CIC: variants seen among roughly 807,000 people sequenced by gnomAD.
CIC encodes protein capicua homolog.
A neutral mutation model predicts 115.7 loss-of-function variants in CIC; 18 were observed. That is an observed-to-expected ratio of 0.16 (90% CI 0.11 to 0.23). The LOEUF (loss-of-function observed/expected upper bound fraction) is 0.23, where lower values mean the gene tolerates loss of function less well. CIC is among the 10% of genes least tolerant of loss of function. CIC has a pLI of 1.00. For missense variants in CIC, 2,000 were observed against 2,159.3 expected (o/e 0.93, Z 1.46); for synonymous variants, 1,076 against 923.0 (o/e 1.17, Z -3.01).
In CIC at chr19:42,295,729, T is replaced by C. The variant is rs754150927; in HGVS notation, c.*538T>C. The C allele has an allele frequency of 2.8e-4, 62 of 223,284 alleles. No homozygotes were observed. The highest frequency in any genetic ancestry group is 4.6e-4 in the Non-Finnish European group (51 of 111,912). 13.8% of individuals were successfully genotyped at this position (223,284 alleles called of 1,614,324 possible). On this transcript the variant is annotated 3_prime_UTR_variant, in exon 21 of 21. Transcript: ENST00000681038. ...CCCCCTTCCCCAGAACAAAACATGTTGATCATGTGCAATATTTCTTACTGT... is the reference window on the plus strand; with the variant it reads ...CCCCCTTCCCCAGAACAAAACATGTCGATCATGTGCAATATTTCTTACTGT...
Position 42,291,125 on chromosome 19 carries a change from CT to C in CIC, c.5085del (p.Gly1696ValfsTer137). On this transcript the variant is annotated frameshift_variant, in exon 11 of 21. Transcript: ENST00000681038. LOFTEE classifies it high-confidence loss of function. ...GTCCAGTTCATTGCCCAGGGGGCCC[CT>C]GGTGGTGGGACCACTGCGGGCTCAG... is the stretch of plus-strand genomic sequence containing the variant. ...PAVQFIAQGAPGGGTTAGSGA... is the reference protein window; with the variant it reads ...PAVQFIAQGAXGGGTTAGSGA... 6.2e-7 allele frequency: 1 copy of C among 1,609,248 alleles called. No individual in the cohort carries two copies. Among genetic ancestry groups the C allele is most frequent in the Non-Finnish European group, 8.5e-7 (1 of 1,176,676 alleles).
In CIC at chr19:42,287,039, G is replaced by A. The variant is rs776648631; in HGVS notation, c.2978G>A (p.Arg993Gln). Residue 993 changes from arginine (R) to glutamine (Q), a missense_variant, in exon 4 of 21, where the codon CGG becomes CAG. By Grantham distance (43) the Arg-to-Gln change is conservative (BLOSUM62 1). Coordinates refer to ENST00000681038, the MANE Select transcript of CIC (RefSeq NM_001386298.1). This position sits in a 1 kb window ranked among gnomAD's most constrained non-coding sequence, Gnocchi z 8.7. ...GAGTCGGCAGCTGTTGCTCATGAAC[G>A]GCCACCAGGTGGGACAGGGAGTGCT... ...PAESAAVAHERPPGGTGSADP... is the reference protein window; with the variant it reads ...PAESAAVAHEQPPGGTGSADP... 9.3e-6 allele frequency: 15 copies of A among 1,611,418 alleles called. No homozygotes were observed. In the Admixed American group the frequency reaches 1.2e-4, roughly 13 times the overall value.
rs748401444 is a variant in CIC at position 42,287,278 on chromosome 19, G to T, written c.3179+38G>T. 6.2e-7 allele frequency: 1 copy of T among 1,614,002 alleles called. No individual in the cohort carries two copies. Among genetic ancestry groups the T allele is most frequent in the East Asian group, 2.2e-5 (1 of 44,874 alleles). ...AGGCCTGGGACTTGGGGGTGGGATGGCCAGAGACATGGCCCTCACTGTCCC... is the reference window on the plus strand; with the variant it reads ...AGGCCTGGGACTTGGGGGTGGGATGTCCAGAGACATGGCCCTCACTGTCCC... On this transcript the variant is annotated intron_variant, in intron 4 of 20. Coordinates refer to ENST00000681038, the MANE Select transcript of CIC (RefSeq NM_001386298.1). This position sits in a 1 kb window ranked among gnomAD's most constrained non-coding sequence, Gnocchi z 8.7.
chr19:42,287,043 A>C lies in CIC; in HGVS notation c.2982A>C (p.Pro994=), dbSNP rs762311692. The change falls in exon 4 of 21, where the codon CCA becomes CCC. Residue 994 remains proline (P), a synonymous_variant. Transcript: ENST00000681038. This position sits in a 1 kb window ranked among gnomAD's most constrained non-coding sequence, Gnocchi z 8.7. ...AESAAVAHER[P]PGGTGSADPE... is the part of the protein sequence containing the mutation. The stretch of plus-strand genomic sequence containing the variant: ...CGGCAGCTGTTGCTCATGAACGGCC[A>C]CCAGGTGGGACAGGGAGTGCTGACC... The C allele has an allele frequency of 6.2e-7, 1 of 1,611,818 alleles. No homozygotes were observed.
rs759965002 is a variant in CIC, at chr19:42,290,898, A to G, written c.4857A>G (p.Glu1619=). Residue 1619 remains glutamate (E), a synonymous_variant, in exon 11 of 21, where the codon GAA becomes GAG. Transcript: ENST00000681038. ...ATGACACAGCAGGTGCCAGGACTGA[A>G]ATGGGCACTGGGTCTCGGGTGCCTG... ...SPNDTAGART[E]MGTGSRVPGG... is the part of the protein sequence containing the mutation. 7 of 1,613,290 alleles carry G rather than the reference A, an allele frequency of 4.3e-6. No individual in the cohort carries two copies. The highest frequency in any genetic ancestry group is 5.9e-6 in the Non-Finnish European group (7 of 1,179,984).
At position 42,272,766 on chromosome 19, in the gene CIC, C is replaced by T; in HGVS notation, c.983C>T (p.Ala328Val). The change falls in exon 2 of 21, where the codon GCT becomes GTT. Residue 328 changes from alanine to valine, a missense_variant. Transcript: ENST00000681038. Reference sequence around the variant, plus strand: ...CCACTGCACCGTGAGCCAGAGGAGGCTGTGTGGGTGGCCCGCTCCAGCCTA... The same window carrying T: ...CCACTGCACCGTGAGCCAGAGGAGGTTGTGTGGGTGGCCCGCTCCAGCCTA... ...PQPLHREPEE[A>V]VWVARSSLRL... 2.5e-6 allele frequency: 1 copy of T among 398,856 alleles called. No homozygotes were observed. Among genetic ancestry groups the T allele is most frequent in the East Asian group, 3.6e-5 (1 of 28,068 alleles). The allele number at this position is 398,856 out of a possible 1,614,324, so 24.7% of individuals were successfully genotyped here.
chr19:42,278,430 T>G (rs1044547952), intron 2 of CIC, among the ~76,000 whole-genome samples: 1 of 152,276 alleles, frequency 6.6e-6, no homozygotes, highest in Non-Finnish European at 1.5e-5. Flanking sequence ...CTCCTATTTC[T>G]AGGTCTATAC....
At position 42,280,904 on chromosome 19, in the gene CIC, C is replaced by T. The variant is rs1033282972; in HGVS notation, c.2795-5867C>T. 6.6e-6 allele frequency among the ~76,000 whole-genome samples: 1 copy of T among 150,884 alleles called. No individual in the cohort carries two copies. Among genetic ancestry groups the T allele is most frequent in the Admixed American group, 6.6e-5 (1 of 15,172 alleles). On this transcript the variant is annotated intron_variant, in intron 2 of 20. Coordinates refer to ENST00000681038, the MANE Select transcript of CIC (RefSeq NM_001386298.1). This position sits in a 1 kb window ranked among gnomAD's most constrained non-coding sequence, Gnocchi z 4.9. ...CCGCACCTTCCCTTCCCCAAACCCA[C>T]GTCTCTCAACCCCCCCACCCCCGCA...
chr19:42,292,414 C>G lies in CIC; in HGVS notation c.5850C>G (p.Gly1950=), dbSNP rs1353629044. 2 of 1,611,682 alleles carry G rather than the reference C, an allele frequency of 1.2e-6. No individual in the cohort carries two copies. Among genetic ancestry groups the G allele is most frequent in the Non-Finnish European group, 8.5e-7 (1 of 1,179,010 alleles). ...GGCCCACGAGCTCTGTAGCTCTAGG[C>G]TTCACCTCGCTGGGGCCCAGCGGCC... The part of the protein sequence containing the change: ...SYGPTSSVAL[G]FTSLGPSGPA... The change falls in exon 14 of 21, where the codon GGC becomes GGG. Residue 1950 remains glycine (G), a synonymous_variant. Transcript: ENST00000681038.
chr19:42,270,304 G>A lies in CIC; in HGVS notation c.-11+923G>A, dbSNP rs1450324534. 2.0e-5 allele frequency among the ~76,000 whole-genome samples: 3 copies of A among 152,198 alleles called. No homozygotes were observed. Among genetic ancestry groups the A allele is most frequent in the Non-Finnish European group, 2.9e-5 (2 of 68,016 alleles). On this transcript the variant is annotated intron_variant, in intron 1 of 20. Coordinates refer to ENST00000681038, the MANE Select transcript of CIC (RefSeq NM_001386298.1). The surrounding 1 kb of genome is among the most constrained non-coding windows in gnomAD (Gnocchi z 4.1). ...GAAAGGGCAGGCCTGGGACTCCAGG[G>A]TCCACAGGAGGAGCAGGCCCCTAGT...
rs779189227 is a variant in CIC at position 42,293,712 on chromosome 19, A to T, written c.6643A>T (p.Ser2215Cys). 5.0e-6 allele frequency: 8 copies of T among 1,612,816 alleles called. No homozygotes were observed. The South Asian group carries it at 7.7e-5, about 16-fold the overall frequency. The change falls in exon 17 of 21, where the codon AGC (serine) becomes TGC (cysteine). Residue 2215 changes from serine (S) to cysteine (C), a missense_variant. Coordinates refer to ENST00000681038, the MANE Select transcript of CIC (RefSeq NM_001386298.1). ...AGCTCCAGCTGTAGCCCCTGGTGGC[A>T]GCAGCGAGAGCAGCAGTGGGCGGGC... ...APAPAVAPGG[S>C]SESSSGRAAG...
At position 42,272,420 on chromosome 19, in the gene CIC, G is replaced by C; in HGVS notation, c.637G>C (p.Asp213His). 5 of 398,594 alleles carry C rather than the reference G, an allele frequency of 1.3e-5. No homozygotes were observed. Among genetic ancestry groups the C allele is most frequent in the Non-Finnish European group, 2.2e-5 (5 of 226,024 alleles). 24.7% of individuals were successfully genotyped at this position (398,594 alleles called of 1,614,324 possible). The change falls in exon 2 of 21, where the codon GAT (aspartate) becomes CAT (histidine). Residue 213 changes from aspartate to histidine, a missense_variant. Asp to His is a moderately conservative substitution (Grantham distance 81). Transcript: ENST00000681038. ...RSQRVLARRG[D>H]GLFLPAVVRQ... ...CCAGCGGGTGCTGGCTCGGCGTGGT[G>C]ATGGCCTTTTCCTGCCGGCTGTGGT... is the stretch of plus-strand genomic sequence containing the variant.
rs2038003599 is a variant in CIC at position 42,290,478 on chromosome 19, C to G, written c.4437C>G (p.Pro1479=). ...CTGGTCAGGGCAGCACAGCGGGCCC[C>G]CTACGGCCCCCACCCCCTGGGGCTG... The part of the protein sequence containing the change: ...QESGQGSTAG[P]LRPPPPGAGG... The change falls in exon 11 of 21, where the codon CCC becomes CCG. Residue 1479 remains proline, a synonymous_variant. Coordinates refer to ENST00000681038, the MANE Select transcript of CIC (RefSeq NM_001386298.1). 1 of 1,613,822 alleles carries G rather than the reference C, an allele frequency of 6.2e-7. No homozygotes were observed. Among genetic ancestry groups the G allele is most frequent in the Non-Finnish European group, 8.5e-7 (1 of 1,179,932 alleles).
At chr19:42,277,291 G>T (rs959724453) in intron 2 of CIC, among the ~76,000 whole-genome samples, 1 of 152,138 alleles carries the variant, frequency 6.6e-6, no homozygotes, top group East Asian at 1.9e-4. Flanking sequence ...GTGCAGTAGC[G>T]CAATCTTGGT....
chr19:42,286,649 G>A, intron 2 of CIC, 122 bp from the exon 3 acceptor site: 1 of 1,258,090 alleles, frequency 7.9e-7, no homozygotes, highest in South Asian at 1.3e-5. Context: ...AAGAGGCTCT[G>A]GTGTTGGGGG....
Position 42,287,530 on chromosome 19 carries a change from C to G in CIC, c.3310-15C>G, listed in dbSNP as rs1181253062. ...CAGGTCCTAACTGTCCCGCTCTGGG[C>G]TGTGTTTAATGCAGCGGGAGAAGGA... On this transcript the variant is annotated splice_polypyrimidine_tract_variant and intron_variant, in intron 5 of 20. Coordinates refer to ENST00000681038, the MANE Select transcript of CIC (RefSeq NM_001386298.1). The surrounding 1 kb of genome is among the most constrained non-coding windows in gnomAD (Gnocchi z 8.7). 1 of 1,613,012 alleles carries G rather than the reference C, an allele frequency of 6.2e-7. No individual in the cohort carries two copies. Among genetic ancestry groups the G allele is most frequent in the Non-Finnish European group, 8.5e-7 (1 of 1,180,038 alleles).
Position 42,291,736 on chromosome 19 carries a change from C to T in CIC, c.5604C>T (p.Pro1868=), listed in dbSNP as rs1426112620. The change falls in exon 12 of 21, where the codon CCC becomes CCT. Residue 1868 remains proline (P), a synonymous_variant. Coordinates refer to ENST00000681038, the MANE Select transcript of CIC (RefSeq NM_001386298.1). ...FSVPVQNGAQ[P]PSKIIQLTPV... ...TACCTGTGCAGAATGGTGCCCAGCCCCCCAGCAAGGTGAGGGCCTGCCTTT... is the reference window on the plus strand; with the variant it reads ...TACCTGTGCAGAATGGTGCCCAGCCTCCCAGCAAGGTGAGGGCCTGCCTTT... The T allele has an allele frequency of 6.2e-7, 1 of 1,613,046 alleles. No individual in the cohort carries two copies. Among genetic ancestry groups the T allele is most frequent in the Admixed American group, 1.7e-5 (1 of 60,020 alleles).
rs1599920290 is a variant in CIC, at chr19:42,291,474, C to T, written c.5425+8C>T. 1.2e-6 allele frequency: 2 copies of T among 1,613,164 alleles called. No individual in the cohort carries two copies. Among genetic ancestry groups the T allele is most frequent in the Non-Finnish European group, 1.7e-6 (2 of 1,179,986 alleles). ...CCGCCCCACCCCCCAAAGGTGAGAC[C>T]TGGGCCGGGCAGCACTAGGGGAGGG... On this transcript the variant is annotated splice_region_variant and intron_variant, in intron 11 of 20. Coordinates refer to ENST00000681038, the MANE Select transcript of CIC (RefSeq NM_001386298.1).
At chr19:42,284,917 C>A in intron 2 of CIC, 2 of 759,090 alleles carry the variant, frequency 2.6e-6, no homozygotes, top group Admixed American at 2.2e-5. Context: ...CTCGGCCGGG[C>A]CGAGTGGTTA....
Sources: allele counts gnomAD v4.1 joint callset (sites outside exome capture counted in the v4.1 genomes callset), GRCh38; gene constraint gnomAD v4.1.1; non-coding constraint Gnocchi (gnomAD v3.1); transcripts MANE v1.5; gene names NCBI Gene and HGNC (gene_info 2026-07-23, HGNC 2026-07-21).